LARP1: variants seen among roughly 807,000 people sequenced by gnomAD.
The protein encoded by LARP1 is La ribonucleoprotein 1, translational regulator.
Under a neutral mutation model 122.7 loss-of-function variants are expected in LARP1, and 36 were observed. The observed-to-expected ratio is 0.29, with a 90% CI of 0.22 to 0.39. LARP1 has a LOEUF of 0.39. Among genes scored for constraint, LARP1 ranks in the 10% least tolerant of loss-of-function variants. The pLI, the probability that LARP1 is intolerant of heterozygous loss-of-function variation, is 1.00. For synonymous variants in LARP1, 539 were observed against 528.7 expected (o/e 1.02, Z -0.27); for missense variants, 1,040 against 1,403.6 (o/e 0.74, Z 4.14).
At chr5:154,743,468 C>G (rs1289075219) in intron 1 of LARP1, among the ~76,000 whole-genome samples, 2 of 148,222 alleles carry the variant, frequency 1.3e-5, no homozygotes, top group Non-Finnish European at 3.0e-5. Context: ...GCCACCATGC[C>G]CAGCTAATTT....
chr5:154,786,287 C>T (rs1483126685), intron 1 of LARP1, among the ~76,000 whole-genome samples: 14 of 152,092 alleles, frequency 9.2e-5, no homozygotes, highest in African/African-American at 1.7e-4. Context: ...GTAATCTGCC[C>T]GCCTCGGCCT....
chr5:154,802,458 G>A lies in LARP1; in HGVS notation c.2109+59G>A. ...TGGTGTGCCTGTATTGTACGGAGAA[G>A]AGGAAGCCTGATTAGCTGTGCAATT... On this transcript the variant is annotated intron_variant, in intron 11 of 18. Transcript: ENST00000518297. This position sits in a 1 kb window ranked among gnomAD's most constrained non-coding sequence, Gnocchi z 5.1. The A allele has an allele frequency of 6.7e-7, 1 of 1,502,550 alleles. No individual in the cohort carries two copies. The highest frequency in any genetic ancestry group is 8.9e-7 in the Non-Finnish European group (1 of 1,129,036). 93.1% of individuals were successfully genotyped at this position (1,502,550 alleles called of 1,614,324 possible). A position where few individuals can be genotyped will look rare whatever the true frequency, so the allele number is the denominator to read the frequency against.
intron 8 of LARP1, 92 bp downstream of exon 8, chr5:154,795,411 C>T (rs942641161): frequency 1.7e-5 from 22 of 1,324,972 alleles, no homozygotes; most frequent in Admixed American, 1.3e-4. Flanking sequence ...CTGGAAGAGT[C>T]ATCATCTGAT....
chr5:154,780,973 G>A (rs1756375267), intron 1 of LARP1, among the ~76,000 whole-genome samples: 2 of 152,182 alleles, frequency 1.3e-5, no homozygotes, highest in African/African-American at 4.8e-5. Context: ...TGAGGCAGGA[G>A]AATTGCTTGA....
At chr5:154,771,426 C>T (rs910720078) in intron 1 of LARP1, among the ~76,000 whole-genome samples, 3 of 152,158 alleles carry the variant, frequency 2.0e-5, no homozygotes, top group African/African-American at 7.2e-5. Flanking sequence ...AACAGGTGCT[C>T]GTAGAGGTTC....
At chr5:154,800,614 A>G (rs151034611) in intron 10 of LARP1, among the ~76,000 whole-genome samples, 11 of 152,304 alleles carry the variant, frequency 7.2e-5, no homozygotes, top group Non-Finnish European at 1.6e-4. Context: ...GAAATAGTTT[A>G]TATATATAAA....
intron 1 of LARP1, among the ~76,000 whole-genome samples, chr5:154,727,785 A>T (rs1267779565): frequency 1.3e-5 from 2 of 152,196 alleles, no homozygotes; most frequent in Non-Finnish European, 2.9e-5. Context: ...TTTTAAAATG[A>T]TAATAAATAA....
At chr5:154,760,939 G>T (rs1371309603) in intron 1 of LARP1, among the ~76,000 whole-genome samples, 1 of 152,180 alleles carries the variant, frequency 6.6e-6, no homozygotes, top group East Asian at 1.9e-4. Context: ...ATCTTATTTT[G>T]TCAGGGGTGA....
chr5:154,744,206 C>T (rs1421725322), intron 1 of LARP1, among the ~76,000 whole-genome samples: 1 of 152,098 alleles, frequency 6.6e-6, no homozygotes, highest in Non-Finnish European at 1.5e-5. Flanking sequence ...TATCTCCTGC[C>T]CTCCTTTTTA....
At chr5:154,704,595 C>G (rs142824638) in intron 1 of LARP1, among the ~76,000 whole-genome samples, 24 of 141,836 alleles carry the variant, frequency 1.7e-4, no homozygotes, top group African/African-American at 5.3e-5. Context: ...TGCAGTAAGC[C>G]GAGATCGTGC....
At chr5:154,683,919 TCA>T (rs1292422254) in intron 1 of LARP1, among the ~76,000 whole-genome samples, 1 of 152,210 alleles carries the variant, frequency 6.6e-6, no homozygotes, top group Non-Finnish European at 1.5e-5. Context: ...TGGTAGCTTC[TCA>T]CAGTCTTTCC....
chr5:154,705,820 C>T (rs538701182), intron 1 of LARP1: 5 of 152,248 alleles, frequency 3.3e-5, no homozygotes, highest in South Asian at 2.1e-4. Context: ...TTAATTCAGT[C>T]GCTGTGGAAA....
chr5:154,712,867 G>T, exon 1 of LARP1: 1 of 1,482,354 alleles, frequency 6.7e-7, no homozygotes, highest in South Asian at 1.1e-5. Flanking sequence ...GCAGCTGTGC[G>T]ATCTGGATGT....
chr5:154,798,029 A>G (rs1282669311), intron 8 of LARP1, among the ~76,000 whole-genome samples: 1 of 152,204 alleles, frequency 6.6e-6, no homozygotes, highest in Non-Finnish European at 1.5e-5. Flanking sequence ...CAGTTTTTCC[A>G]CTTATACAGT....
At chr5:154,768,375 G>A (rs1755122982) in intron 1 of LARP1, among the ~76,000 whole-genome samples, 2 of 152,138 alleles carry the variant, frequency 1.3e-5, no homozygotes, top group South Asian at 4.1e-4. Flanking sequence ...CCATGGTGGG[G>A]CTTATATTCT....
At chr5:154,724,952 C>T (rs2113369941) in intron 1 of LARP1, among the ~76,000 whole-genome samples, 1 of 152,314 alleles carries the variant, frequency 6.6e-6, no homozygotes, top group East Asian at 1.9e-4. Flanking sequence ...AGGCATGAGC[C>T]ATCTCGCCTG....
chr5:154,814,023 C>T lies in LARP1; in HGVS notation c.3218C>T (p.Pro1073Leu), dbSNP rs141988879. 67 of 1,614,042 alleles carry T rather than the reference C, an allele frequency of 4.2e-5. No homozygotes were observed. Among genetic ancestry groups the T allele is most frequent in the Non-Finnish European group, 5.3e-5 (63 of 1,180,030 alleles). ...ATGATCAGCCAACCCCCTACACCAC[C>T]CACCGGCCAGCCTGTCCGGGAAGAT... ...AAMISQPPTP[P>L]TGQPVREDAK... The change falls in exon 19 of 19, where the codon CCC becomes CTC. Residue 1073 changes from proline to leucine, a missense_variant. Around this residue, in one of 8 missense-constraint regions of LARP1, gnomAD observed 129 missense variants for 160.8 expected, o/e 0.80. Transcript: ENST00000518297.
intron 1 of LARP1, among the ~76,000 whole-genome samples, chr5:154,692,988 ATTAT>A (rs1006881752): frequency 4.9e-5 from 7 of 141,976 alleles, no homozygotes; most frequent in African/African-American, 1.6e-4. Context: ...TTAATTTTTA[ATTAT>A]TTTTTTTTTT....
rs145895099 is a variant in LARP1 at position 154,814,261 on chromosome 5, G to A, written c.*165G>A. The stretch of plus-strand genomic sequence containing the variant: ...TGTATACACCATTTGGGCTATCAGA[G>A]GTACCCCTGGGCAGGAGCCTCTACA... On this transcript the variant is annotated 3_prime_UTR_variant, in exon 19 of 19. Transcript: ENST00000518297. 5,877 of 650,718 alleles carry A rather than the reference G, an allele frequency of 9.0e-3. 36 individuals carry two copies. The highest frequency in any genetic ancestry group is 0.014 in the Admixed American group (494 of 34,322). The allele number at this position is 650,718 out of a possible 1,614,324, so 40.3% of individuals were successfully genotyped here. A position where few individuals can be genotyped will look rare whatever the true frequency, so the allele number is the denominator to read the frequency against.
Sources: gnomAD v4.1 joint callset for allele counts (sites outside exome capture counted in the v4.1 genomes callset) on GRCh38, gnomAD v4.1.1 for gene constraint, gnomAD v4.1.1 regional missense constraint, Gnocchi (gnomAD v3.1) non-coding constraint, MANE v1.5 for transcripts, NCBI Gene and HGNC (gene_info 2026-07-23, HGNC 2026-07-21) for gene names.